FMNL2: variants seen among roughly 807,000 people sequenced by gnomAD.
FMNL2 encodes formin-like protein 2.
In FMNL2, 51 loss-of-function variants were observed where a neutral mutation model predicts 130.2. The observed-to-expected ratio is 0.39, with a 90% CI of 0.31 to 0.49. FMNL2 has a LOEUF of 0.49. Ranked by LOEUF, FMNL2 falls within the 20% of genes least tolerant of loss-of-function variation. The pLI is 0.85. For synonymous variants in FMNL2, 465 were observed against 467.1 expected (o/e 1.00, Z 0.06); for missense variants, 977 against 1,316.2 (o/e 0.74, Z 3.99).
chr2:152,605,086 A>G, intron 9 of FMNL2, among the ~76,000 whole-genome samples: 1 of 151,170 alleles, frequency 6.6e-6, no homozygotes, highest in East Asian at 1.9e-4. Flanking sequence ...CAAACCTTTC[A>G]TTTCCAGGAA....
At chr2:152,369,825 G>A (rs1039828455) in intron 1 of FMNL2, among the ~76,000 whole-genome samples, 1 of 152,206 alleles carries the variant, frequency 6.6e-6, no homozygotes, top group African/African-American at 2.4e-5. Flanking sequence ...TTAACATGGG[G>A]AAGGCATTTA....
At chr2:152,365,508 A>G (rs1683469138) in intron 1 of FMNL2, among the ~76,000 whole-genome samples, 1 of 152,076 alleles carries the variant, frequency 6.6e-6, no homozygotes, top group African/African-American at 2.4e-5. Context: ...GTGGTGGCTC[A>G]TGTCTGTAAT....
intron 3 of FMNL2, among the ~76,000 whole-genome samples, chr2:152,545,093 A>G (rs1157270776): frequency 6.6e-6 from 1 of 152,208 alleles, no homozygotes; most frequent in Non-Finnish European, 1.5e-5. Flanking sequence ...AATAAAATGG[A>G]TGGTGGATTA....
chr2:152,613,049 A>G (rs1698767845), intron 11 of FMNL2, among the ~76,000 whole-genome samples: 1 of 152,210 alleles, frequency 6.6e-6, no homozygotes, highest in African/African-American at 2.4e-5. Flanking sequence ...TGCTTCCTAG[A>G]CTGGCTGGGC....
At chr2:152,376,526 C>G (rs535233714) in intron 1 of FMNL2, among the ~76,000 whole-genome samples, 1 of 152,288 alleles carries the variant, frequency 6.6e-6, no homozygotes, top group East Asian at 1.9e-4. Flanking sequence ...GAGGAAGGAG[C>G]TTTGAGCCAG....
intron 1 of FMNL2, among the ~76,000 whole-genome samples, chr2:152,463,291 G>C (rs1322335691): frequency 6.6e-6 from 1 of 151,984 alleles, no homozygotes; most frequent in Non-Finnish European, 1.5e-5. Flanking sequence ...TCATATGTTA[G>C]ACATGAATTA....
chr2:152,498,110 G>A (rs184700404), intron 1 of FMNL2, among the ~76,000 whole-genome samples: 76 of 152,228 alleles, frequency 5.0e-4, no homozygotes, highest in Non-Finnish European at 7.5e-4. Context: ...GCCATATAAT[G>A]TAACCTAATC....
intron 9 of FMNL2, among the ~76,000 whole-genome samples, chr2:152,601,913 AC>A (rs1698101869): frequency 6.6e-6 from 1 of 150,692 alleles, no homozygotes; most frequent in Non-Finnish European, 1.5e-5. Flanking sequence ...CAGGTGATCC[AC>A]CTGTCTCGGC....
At chr2:152,644,843 G>T (rs879852560) in intron 25 of FMNL2, among the ~76,000 whole-genome samples, 1 of 152,078 alleles carries the variant, frequency 6.6e-6, no homozygotes, top group Non-Finnish European at 1.5e-5. Flanking sequence ...GGGGAAAAAA[G>T]GGTCAAACTT....
chr2:152,561,854 A>G (rs1002444316), intron 6 of FMNL2, among the ~76,000 whole-genome samples: 2 of 152,200 alleles, frequency 1.3e-5, no homozygotes, highest in African/African-American at 4.8e-5. Context: ...TTGGGATTAC[A>G]GGCATCAGCC....
intron 2 of FMNL2, among the ~76,000 whole-genome samples, chr2:152,542,397 TG>T (rs1331638306): frequency 6.6e-6 from 1 of 152,182 alleles, no homozygotes; most frequent in Admixed American, 6.5e-5. Flanking sequence ...TGAAACAGGT[TG>T]GGCAAAACAC....
chr2:152,366,792 C>G (rs1683580342), intron 1 of FMNL2, among the ~76,000 whole-genome samples: 1 of 152,036 alleles, frequency 6.6e-6, no homozygotes, highest in Non-Finnish European at 1.5e-5. Flanking sequence ...ACGGTGAAAC[C>G]CCATCTCTAG....
At chr2:152,477,865 T>G (rs1277597224) in intron 1 of FMNL2, among the ~76,000 whole-genome samples, 1 of 152,102 alleles carries the variant, frequency 6.6e-6, no homozygotes. Flanking sequence ...ACACAAACTA[T>G]AGACACATGA....
intron 9 of FMNL2, among the ~76,000 whole-genome samples, chr2:152,599,018 G>A (rs1474984456): frequency 1.3e-5 from 2 of 152,194 alleles, no homozygotes; most frequent in Non-Finnish European, 2.9e-5. Flanking sequence ...TTGTCCAAGG[G>A]CAGGGGAAGA....
At chr2:152,507,187 G>A (rs1277723213) in intron 1 of FMNL2, among the ~76,000 whole-genome samples, 1 of 152,156 alleles carries the variant, frequency 6.6e-6, no homozygotes, top group East Asian at 1.9e-4. Flanking sequence ...GGGTGCCTTG[G>A]CACTCAATTT....
chr2:152,368,933 T>C (rs1683716639), intron 1 of FMNL2, among the ~76,000 whole-genome samples: 1 of 151,766 alleles, frequency 6.6e-6, no homozygotes, highest in South Asian at 2.1e-4. Context: ...GTTTTTTGTG[T>C]GTGTGTTTTT....
At chr2:152,605,478 C>T (rs1205411704) in intron 9 of FMNL2, among the ~76,000 whole-genome samples, 1 of 152,074 alleles carries the variant, frequency 6.6e-6, no homozygotes, top group Non-Finnish European at 1.5e-5. Flanking sequence ...GCCACTGCAC[C>T]TGTCTGATTT....
At position 152,542,688 on chromosome 2, in the gene FMNL2, T is replaced by C. The variant is rs1282651460; in HGVS notation, c.202-51T>C. 5 of 1,580,180 alleles carry C rather than the reference T, an allele frequency of 3.2e-6. No homozygotes were observed. In the East Asian group the frequency reaches 1.2e-4, roughly 36 times the overall value. On this transcript the variant is annotated intron_variant, in intron 2 of 25. Coordinates refer to ENST00000288670, the MANE Select transcript of FMNL2 (RefSeq NM_052905.4). ...GGTAACATAATCTGATGTGGCTGAC[T>C]GTGTCATGGCTTCATACCTTTCATG...
At chr2:152,454,911 A>G (rs992573072) in intron 1 of FMNL2, among the ~76,000 whole-genome samples, 1 of 152,154 alleles carries the variant, frequency 6.6e-6, no homozygotes, top group Non-Finnish European at 1.5e-5. Context: ...AGCTCCAGAT[A>G]CTGAGGGGAA....
Sources: gnomAD v4.1 joint callset for allele counts (sites outside exome capture counted in the v4.1 genomes callset) on GRCh38, gnomAD v4.1.1 for gene constraint, MANE v1.5 for transcripts, NCBI Gene and HGNC (gene_info 2026-07-23, HGNC 2026-07-21) for gene names.